The following PCDHGA12 variants were observed in gnomAD, a reference collection of about 807,000 sequenced individuals.
The protein encoded by PCDHGA12 is protocadherin gamma-A12.
In PCDHGA12, 43 loss-of-function variants were observed where a neutral mutation model predicts 61.1. The observed-to-expected ratio is 0.70, with a 90% CI of 0.55 to 0.91. PCDHGA12 has a LOEUF of 0.91. Among genes scored for constraint, PCDHGA12 ranks in the 40% least tolerant of loss-of-function variants. The pLI is 0.00. For synonymous variants in PCDHGA12, 520 were observed against 542.9 expected (o/e 0.96, Z 0.59); for missense variants, 1,236 against 1,227.7 (o/e 1.01, Z -0.10).
At chr5:141,464,680 A>G (rs747974832) in intron 1 of PCDHGA12, among the ~76,000 whole-genome samples, 3 of 152,144 alleles carry the variant, frequency 2.0e-5, no homozygotes, top group Non-Finnish European at 4.4e-5. Flanking sequence ...TTTTAATTAA[A>G]ATTTCTCTTA....
chr5:141,452,914 TAAGA>T (rs1164409830), intron 1 of PCDHGA12, among the ~76,000 whole-genome samples: 1 of 152,226 alleles, frequency 6.6e-6, no homozygotes, highest in African/African-American at 2.4e-5. Flanking sequence ...CATTATACAG[TAAGA>T]AAGAGCTGCT....
chr5:141,444,152 ATTTTTTTTTTTTTTTTTTTTTTTTT>A (rs747671382), intron 1 of PCDHGA12, among the ~76,000 whole-genome samples: 1 of 33,882 alleles, frequency 3.0e-5, no homozygotes, highest in Non-Finnish European at 5.2e-5. Context: ...TGTGTACTGG[ATTTTTTTTTTTTTTTTTTTTTTTTT>A]TTTTTTTTTT....
At chr5:141,471,660 A>G (rs1010236543) in intron 1 of PCDHGA12, 12 of 152,184 alleles carry the variant, frequency 7.9e-5, no homozygotes, top group Non-Finnish European at 1.8e-4. Flanking sequence ...GTGGGGATGC[A>G]GAAAAAAATA....
intron 1 of PCDHGA12, chr5:141,478,557 G>A (rs1316386006): frequency 1.2e-6 from 2 of 1,600,016 alleles, no homozygotes; most frequent in Non-Finnish European, 1.7e-6. Context: ...GTAAGGTTTA[G>A]CAAGTCATGC....
chr5:141,486,637 G>A lies in PCDHGA12; in HGVS notation c.2425-8170G>A, dbSNP rs761072169. On this transcript the variant is annotated intron_variant, in intron 1 of 3. Transcript: ENST00000252085. The surrounding 1 kb of genome is among the most constrained non-coding windows in gnomAD (Gnocchi z 5.0). ...CTGACCCAGACTCTGGCTTGAATGC[G>A]CTTATCTCCTACTCACTCCTGGAGC... 3.1e-5 allele frequency: 50 copies of A among 1,613,520 alleles called. No individual in the cohort carries two copies. The highest frequency in any genetic ancestry group is 5.0e-5 in the Admixed American group (3 of 60,000).
At chr5:141,501,510 T>A (rs11744379) in intron 2 of PCDHGA12, among the ~76,000 whole-genome samples, 1 of 151,824 alleles carries the variant, frequency 6.6e-6, no homozygotes, top group African/African-American at 2.4e-5. Flanking sequence ...CTCCAAGGCC[T>A]CCAAGCTGAA....
chr5:141,475,167 G>T (rs529813171), intron 1 of PCDHGA12, among the ~76,000 whole-genome samples: 1 of 152,160 alleles, frequency 6.6e-6, no homozygotes, highest in Admixed American at 6.5e-5. Flanking sequence ...CATTAGCAGT[G>T]CAACTTCTTG....
intron 2 of PCDHGA12, among the ~76,000 whole-genome samples, chr5:141,501,988 T>C (rs2099812189): frequency 6.6e-6 from 1 of 152,056 alleles, no homozygotes; most frequent in Non-Finnish European, 1.5e-5. Flanking sequence ...GGTCCCGTTG[T>C]CTCCCTGACA....
At chr5:141,446,860 G>A (rs969206755) in intron 1 of PCDHGA12, among the ~76,000 whole-genome samples, 17 of 152,162 alleles carry the variant, frequency 1.1e-4, no homozygotes, top group African/African-American at 3.9e-4. Flanking sequence ...CTTCCTGATA[G>A]CTCTACACTG....
chr5:141,487,688 G>T lies in PCDHGA12; in HGVS notation c.2425-7119G>T, dbSNP rs376927186. ...AGGCATATGGCTAGGCCATGTCCTAGAGAGTACTGGCCTCTCAGTAAGTGC... is the reference window on the plus strand; with the variant it reads ...AGGCATATGGCTAGGCCATGTCCTATAGAGTACTGGCCTCTCAGTAAGTGC... On this transcript the variant is annotated intron_variant, in intron 1 of 3. Coordinates refer to ENST00000252085, the MANE Select transcript of PCDHGA12 (RefSeq NM_003735.3). The surrounding 1 kb of genome is among the most constrained non-coding windows in gnomAD (Gnocchi z 5.0). 1.2e-6 allele frequency: 2 copies of T among 1,604,966 alleles called. No individual in the cohort carries two copies.
chr5:141,461,347 G>C (rs2154567331), intron 1 of PCDHGA12, among the ~76,000 whole-genome samples: 1 of 152,242 alleles, frequency 6.6e-6, no homozygotes, highest in Admixed American at 6.5e-5. Flanking sequence ...GGACCAAGGT[G>C]GTAGCTCGTT....
At position 141,490,448 on chromosome 5, in the gene PCDHGA12, A is replaced by C. The variant is rs1309104827; in HGVS notation, c.2425-4359A>C. 1 of 1,614,206 alleles carries C rather than the reference A, an allele frequency of 6.2e-7. No homozygotes were observed. Among genetic ancestry groups the C allele is most frequent in the Admixed American group, 1.7e-5 (1 of 60,030 alleles). ...TTTCAGATTAAGCCTTCTGAGAACC[A>C]CTACTCGCTGCTAACCAGCCAGCCT... is the stretch of plus-strand genomic sequence containing the variant. On this transcript the variant is annotated intron_variant, in intron 1 of 3. Coordinates refer to ENST00000252085, the MANE Select transcript of PCDHGA12 (RefSeq NM_003735.3). This position sits in a 1 kb window ranked among gnomAD's most constrained non-coding sequence, Gnocchi z 5.4.
intron 1 of PCDHGA12, among the ~76,000 whole-genome samples, chr5:141,468,198 G>A (rs992118435): frequency 9.2e-5 from 14 of 151,854 alleles, no homozygotes; most frequent in Admixed American, 7.2e-4. Context: ...GGTGGCGGGT[G>A]CCTGTAATTC....
At chr5:141,498,012 A>T (rs184213306) in intron 2 of PCDHGA12, among the ~76,000 whole-genome samples, 6 of 152,348 alleles carry the variant, frequency 3.9e-5, no homozygotes, top group Non-Finnish European at 8.8e-5. Context: ...CAGTGCACTG[A>T]AGGAGACAAA....
rs554661873 is a variant in PCDHGA12, at chr5:141,487,723, T to C, written c.2425-7084T>C. ...GCCTCTCAGTAAGTGCCCATAGTGATGTCACCATTTTTGTAAGAGGTAACT... is the reference window on the plus strand; with the variant it reads ...GCCTCTCAGTAAGTGCCCATAGTGACGTCACCATTTTTGTAAGAGGTAACT... On this transcript the variant is annotated intron_variant, in intron 1 of 3. Transcript: ENST00000252085. The surrounding 1 kb of genome is among the most constrained non-coding windows in gnomAD (Gnocchi z 5.0). The C allele has an allele frequency of 2.6e-5, 41 of 1,574,932 alleles. No homozygotes were observed. Among genetic ancestry groups the C allele is most frequent in the Non-Finnish European group, 5.2e-6 (6 of 1,158,382 alleles).
At position 141,477,023 on chromosome 5, in the gene PCDHGA12, A is replaced by T. The variant is rs763926460; in HGVS notation, c.2425-17784A>T. ...ATTCGCCTTAGACCTTGTAACCGGG[A>T]TGCTGACAATCAAGGGTCGGCTGGA... is the stretch of plus-strand genomic sequence containing the variant. On this transcript the variant is annotated intron_variant, in intron 1 of 3. Transcript: ENST00000252085. The surrounding 1 kb of genome is among the most constrained non-coding windows in gnomAD (Gnocchi z 4.9). 6.2e-7 allele frequency: 1 copy of T among 1,614,240 alleles called. No homozygotes were observed. The highest frequency in any genetic ancestry group is 8.5e-7 in the Non-Finnish European group (1 of 1,180,040).
At chr5:141,468,783 G>A (rs908838744) in intron 1 of PCDHGA12, among the ~76,000 whole-genome samples, 7 of 151,460 alleles carry the variant, frequency 4.6e-5, no homozygotes, top group South Asian at 2.1e-4. Context: ...GGAGAATGGC[G>A]TGAACCCGGG....
intron 1 of PCDHGA12, among the ~76,000 whole-genome samples, chr5:141,454,194 G>A (rs949915652): frequency 6.6e-5 from 10 of 152,304 alleles, no homozygotes; most frequent in Non-Finnish European, 4.4e-5. Context: ...CTTAGTGAAG[G>A]TGAATTTATT....
Position 141,476,104 on chromosome 5 carries a change from G to A in PCDHGA12, c.2425-18703G>A. 6.3e-7 allele frequency: 1 copy of A among 1,584,700 alleles called. No homozygotes were observed. Among genetic ancestry groups the A allele is most frequent in the Non-Finnish European group, 8.6e-7 (1 of 1,168,500 alleles). On this transcript the variant is annotated intron_variant, in intron 1 of 3. Coordinates refer to ENST00000252085, the MANE Select transcript of PCDHGA12 (RefSeq NM_003735.3). The surrounding 1 kb of genome is among the most constrained non-coding windows in gnomAD (Gnocchi z 7.6). ...GATCTGGACCCCGCTGAGAGGAACTGCTTTTGAGTGAGATGGTCCCAGAGG... is the reference window on the plus strand; with the variant it reads ...GATCTGGACCCCGCTGAGAGGAACTACTTTTGAGTGAGATGGTCCCAGAGG...
Sources: allele counts gnomAD v4.1 joint callset (sites outside exome capture counted in the v4.1 genomes callset), GRCh38; gene constraint gnomAD v4.1.1; non-coding constraint Gnocchi (gnomAD v3.1); transcripts MANE v1.5; gene names NCBI Gene and HGNC (gene_info 2026-07-23, HGNC 2026-07-21).